The following FMNL3 variants were observed in gnomAD, a reference collection of about 807,000 sequenced individuals.
FMNL3 encodes the protein formin like 3.
In FMNL3, 57 loss-of-function variants were observed where a neutral mutation model predicts 119.6. The observed-to-expected ratio is 0.48, with a 90% CI of 0.39 to 0.59. The LOEUF is 0.59. FMNL3 is among the 20% of genes least tolerant of loss of function. The probability of loss-of-function intolerance (pLI) is 0.00; values close to 1 mark genes in which losing one functional copy is unlikely to be tolerated. For synonymous variants in FMNL3, 491 were observed against 507.3 expected, an observed-to-expected ratio of 0.97 and a Z score of 0.43; for missense variants, 1,053 against 1,323.5, an observed-to-expected ratio of 0.80 and a Z score of 3.17.
intron 9 of FMNL3, among the ~76,000 whole-genome samples, chr12:49,655,374 G>A (rs963817767): frequency 6.6e-6 from 1 of 152,208 alleles, no homozygotes; most frequent in African/African-American, 2.4e-5. Flanking sequence ...GGAAGTTGCA[G>A]TGAGCTGAGA....
rs1942507191 is a variant in FMNL3 at position 49,640,653 on chromosome 12, C to T, written c.*5162G>A. 6.6e-6 allele frequency: 1 copy of T among 152,214 alleles called. No homozygotes were observed. The highest frequency in any genetic ancestry group is 6.5e-5 in the Admixed American group (1 of 15,282). 9.4% of individuals were successfully genotyped at this position (152,214 alleles called of 1,614,324 possible). ...TTCCGTGTCTCTGAGCCTGTTTGCT[C>T]ACCTGTAAATCAGGGATAATTCATA... On this transcript the variant is annotated 3_prime_UTR_variant, in exon 26 of 26. Coordinates refer to ENST00000335154, the MANE Select transcript of FMNL3 (RefSeq NM_175736.5).
chr12:49,657,236 T>G, intron 6 of FMNL3, 46 bp from the exon 7 acceptor site: 1 of 1,445,910 alleles, frequency 6.9e-7, no homozygotes, highest in Non-Finnish European at 9.7e-7. Flanking sequence ...AGGCTGCCAG[T>G]GAAGCATCTA....
In FMNL3 at chr12:49,645,426, C is replaced by T. The variant is rs11169096; in HGVS notation, c.*389G>A. ...AAGCCTAGATACATCTAGACCAGAG[C>T]TGACCATGGGCCTGCAAAAAGGAAG... On this transcript the variant is annotated 3_prime_UTR_variant, in exon 26 of 26. Transcript: ENST00000335154. 197 of 181,140 alleles carry T rather than the reference C, an allele frequency of 1.1e-3. No individual in the cohort carries two copies. The highest frequency in any genetic ancestry group is 4.2e-3 in the African/African-American group (176 of 41,930). 11.2% of individuals were successfully genotyped at this position (181,140 alleles called of 1,614,324 possible). A position where few individuals can be genotyped will look rare whatever the true frequency, so the allele number is the denominator to read the frequency against.
intron 1 of FMNL3, among the ~76,000 whole-genome samples, chr12:49,675,518 A>T (rs973677138): frequency 6.6e-6 from 1 of 152,110 alleles, no homozygotes; most frequent in Non-Finnish European, 1.5e-5. Context: ...AGAGGACACA[A>T]TATTTCTGGG....
Position 49,653,737 on chromosome 12 carries a change from C to A in FMNL3, c.1209G>T (p.Glu403Asp). 1.9e-6 allele frequency: 3 copies of A among 1,614,168 alleles called. No homozygotes were observed. Among genetic ancestry groups the A allele is most frequent in the Non-Finnish European group, 2.5e-6 (3 of 1,180,008 alleles). ...GAAGACCACCTACATGGGACACATG[C>A]TCCTCCAACTCCTCCACCTTCTCCA... is the stretch of plus-strand genomic sequence containing the variant. Reference protein sequence around the residue: ...VALEKVEELEEHVSHLTEKLL... With the variant: ...VALEKVEELEDHVSHLTEKLL... Residue 403 changes from glutamate (E) to aspartate (D), a missense_variant, in exon 12 of 26, where the codon GAG (glutamate) becomes GAT (aspartate). This residue lies in a region of FMNL3 where 445 missense variants were observed against 628.4 expected (regional missense o/e 0.71). Coordinates refer to ENST00000335154, the MANE Select transcript of FMNL3 (RefSeq NM_175736.5).
chr12:49,657,131 T>A lies in FMNL3; in HGVS notation c.665A>T (p.Asp222Val), dbSNP rs1174778656. ...LKNSRLVSQK[D>V]DVHVCILCLR... Reference sequence around the variant, plus strand: ...ACAAAGGATACAGACGTGGACGTCATCCTTCTGGCTCACTAGGCGGGAGTT... The same window carrying A: ...ACAAAGGATACAGACGTGGACGTCAACCTTCTGGCTCACTAGGCGGGAGTT... Residue 222 changes from aspartate (D) to valine (V), a missense_variant, in exon 7 of 26, where the codon GAT becomes GTT. Asp to Val is a radical substitution (Grantham distance 152). Around this residue, in one of 4 missense-constraint regions of FMNL3, gnomAD observed 445 missense variants for 628.4 expected, o/e 0.71. Transcript: ENST00000335154. The A allele has an allele frequency of 1.2e-6, 2 of 1,614,002 alleles. No homozygotes were observed. Among genetic ancestry groups the A allele is most frequent in the Non-Finnish European group, 1.7e-6 (2 of 1,180,030 alleles).
chr12:49,653,736 G>C lies in FMNL3; in HGVS notation c.1210C>G (p.His404Asp), dbSNP rs1189460991. 4 of 1,613,996 alleles carry C rather than the reference G, an allele frequency of 2.5e-6. No individual in the cohort carries two copies. Among genetic ancestry groups the C allele is most frequent in the Non-Finnish European group, 3.4e-6 (4 of 1,180,018 alleles). The change falls in exon 12 of 26, where the codon CAT becomes GAT. Residue 404 changes from histidine (H) to aspartate (D), a missense_variant. His to Asp is a moderately conservative substitution (Grantham distance 81). Coordinates refer to ENST00000335154, the MANE Select transcript of FMNL3 (RefSeq NM_175736.5). ...ALEKVEELEE[H>D]VSHLTEKLLD... Reference sequence around the variant, plus strand: ...GGAAGACCACCTACATGGGACACATGCTCCTCCAACTCCTCCACCTTCTCC... The same window carrying C: ...GGAAGACCACCTACATGGGACACATCCTCCTCCAACTCCTCCACCTTCTCC...
intron 13 of FMNL3, among the ~76,000 whole-genome samples, chr12:49,652,921 A>G (rs560142475): frequency 7.3e-4 from 111 of 152,218 alleles, no homozygotes; most frequent in African/African-American, 2.5e-3. Context: ...ACACGGGGGT[A>G]GAGGGGAGAA....
intron 14 of FMNL3, 77 bp from the exon 15 acceptor site, chr12:49,651,527 C>A: frequency 8.5e-7 from 1 of 1,172,210 alleles, no homozygotes; most frequent in Non-Finnish European, 1.1e-6. Flanking sequence ...CTGCCTGTCC[C>A]ACCTTCTCTG....
At chr12:49,701,066 G>A (rs548535722) in intron 1 of FMNL3, among the ~76,000 whole-genome samples, 156 of 135,556 alleles carry the variant, frequency 1.2e-3, no homozygotes, top group African/African-American at 4.2e-3. Context: ...GCAACAGAGT[G>A]AGACTCCATC....
In FMNL3 at chr12:49,640,148, G is replaced by A. The variant is rs1207653173; in HGVS notation, c.*5667C>T. 1 of 152,228 alleles carries A rather than the reference G, an allele frequency of 6.6e-6. No homozygotes were observed. Among genetic ancestry groups the A allele is most frequent in the African/African-American group, 2.4e-5 (1 of 41,446 alleles). The allele number at this position is 152,228 out of a possible 1,614,324, so 9.4% of individuals were successfully genotyped here. A position where few individuals can be genotyped will look rare whatever the true frequency, so the allele number is the denominator to read the frequency against. On this transcript the variant is annotated 3_prime_UTR_variant, in exon 26 of 26. Coordinates refer to ENST00000335154, the MANE Select transcript of FMNL3 (RefSeq NM_175736.5). ...TTTCCACAGCCAGGCAGACCATGATGGTGCCTTTCATCCCATAGGATAATG... is the reference window on the plus strand; with the variant it reads ...TTTCCACAGCCAGGCAGACCATGATAGTGCCTTTCATCCCATAGGATAATG...
intron 1 of FMNL3, among the ~76,000 whole-genome samples, chr12:49,692,782 A>T (rs1342542679): frequency 6.6e-6 from 1 of 152,218 alleles, no homozygotes; most frequent in African/African-American, 2.4e-5. Context: ...ATAAACAAGT[A>T]ATCAAATAAT....
rs1490583388 is a variant in FMNL3, at chr12:49,639,415, GAA to G, written c.*6398_*6399del. ...AGGGATGGAAGAGGGTGAGCAGGGA[GAA>G]AAGTCAGTAGGCTGTGCAGGAATCT... On this transcript the variant is annotated 3_prime_UTR_variant, in exon 26 of 26. Coordinates refer to ENST00000335154, the MANE Select transcript of FMNL3 (RefSeq NM_175736.5). 1.3e-5 allele frequency: 2 copies of G among 152,334 alleles called. No homozygotes were observed. The highest frequency in any genetic ancestry group is 2.9e-5 in the Non-Finnish European group (2 of 68,052). 9.4% of individuals were successfully genotyped at this position (152,334 alleles called of 1,614,324 possible).
At chr12:49,688,535 C>A in intron 1 of FMNL3, 1 of 455,968 alleles carries the variant, frequency 2.2e-6, no homozygotes. Flanking sequence ...TTCTTTTCCA[C>A]CCCAGGGCTT....
Position 49,645,118 on chromosome 12 carries a change from A to C in FMNL3, c.*697T>G, listed in dbSNP as rs1042224307. ...TTGTCCCCTGCCAAAAAAAAAAAAAAAAAAAAAAAAACCGTAGCTGAGGAA... is the reference window on the plus strand; with the variant it reads ...TTGTCCCCTGCCAAAAAAAAAAAAACAAAAAAAAAAACCGTAGCTGAGGAA... On this transcript the variant is annotated 3_prime_UTR_variant, in exon 26 of 26. Coordinates refer to ENST00000335154, the MANE Select transcript of FMNL3 (RefSeq NM_175736.5). 1.1e-4 allele frequency: 17 copies of C among 151,658 alleles called. No individual in the cohort carries two copies. The highest frequency in any genetic ancestry group is 1.8e-4 in the Non-Finnish European group (12 of 67,934). The allele number at this position is 151,658 out of a possible 1,614,324, so 9.4% of individuals were successfully genotyped here. A position where few individuals can be genotyped will look rare whatever the true frequency, so the allele number is the denominator to read the frequency against.
chr12:49,652,357 G>A, intron 13 of FMNL3, 145 bp from the exon 14 acceptor site: 1 of 1,410,768 alleles, frequency 7.1e-7, no homozygotes, highest in Non-Finnish European at 9.3e-7. Context: ...ACCCAGGTGG[G>A]GGAATGAGGA....
In FMNL3 at chr12:49,642,652, CG is replaced by C; in HGVS notation, c.*3162del. On this transcript the variant is annotated 3_prime_UTR_variant, in exon 26 of 26. Transcript: ENST00000335154. This position sits in a 1 kb window ranked among gnomAD's most constrained non-coding sequence, Gnocchi z 5.8. ...GGAGTCGGAGCGGATCCGGCTCTTC[CG>C]GGAGTTCCTACAGGTGCTGGAGGTG... 6.2e-7 allele frequency: 1 copy of C among 1,614,116 alleles called. No homozygotes were observed. Among genetic ancestry groups the C allele is most frequent in the Non-Finnish European group, 8.5e-7 (1 of 1,179,982 alleles).
At chr12:49,663,074 C>A (rs1943784871) in intron 4 of FMNL3, among the ~76,000 whole-genome samples, 1 of 152,188 alleles carries the variant, frequency 6.6e-6, no homozygotes, top group Non-Finnish European at 1.5e-5. Flanking sequence ...AACACCAGGC[C>A]CAGCTGAGAT....
At chr12:49,662,830 A>G (rs1943774394) in intron 4 of FMNL3, among the ~76,000 whole-genome samples, 1 of 152,202 alleles carries the variant, frequency 6.6e-6, no homozygotes, top group Admixed American at 6.5e-5. Context: ...CCTGGAATGA[A>G]AGTCAAGGGC....
Sources: gnomAD v4.1 joint callset for allele counts (sites outside exome capture counted in the v4.1 genomes callset) on GRCh38, gnomAD v4.1.1 for gene constraint, gnomAD v4.1.1 regional missense constraint, Gnocchi (gnomAD v3.1) non-coding constraint, MANE v1.5 for transcripts, NCBI Gene and HGNC (gene_info 2026-07-23, HGNC 2026-07-21) for gene names.